Variants in GABRB3 observed in about 807,000 individuals in gnomAD.
The protein encoded by GABRB3 is gamma-aminobutyric acid receptor subunit beta-3.
In GABRB3, 14 loss-of-function variants were observed where a neutral mutation model predicts 52.1. That is an observed-to-expected ratio of 0.27 (90% CI 0.18 to 0.42). The LOEUF is 0.42. GABRB3 is among the 10% of genes least tolerant of loss of function. The pLI is 1.00. For synonymous variants in GABRB3, 260 were observed against 232.3 expected (o/e 1.12, Z -1.08); for missense variants, 307 against 609.1 (o/e 0.50, Z 5.22).
chr15:26,663,060 CGT>C (rs151144788), intron 3 of GABRB3, among the ~76,000 whole-genome samples: 1 of 151,912 alleles, frequency 6.6e-6, no homozygotes, highest in Non-Finnish European at 1.5e-5. Flanking sequence ...TAGATGTAAA[CGT>C]GTGTGTGTGT....
At chr15:26,669,942 C>T (rs112940171) in intron 3 of GABRB3, among the ~76,000 whole-genome samples, 56 of 152,332 alleles carry the variant, frequency 3.7e-4, no homozygotes, top group African/African-American at 1.3e-3. Flanking sequence ...TGATGCCGTG[C>T]ACTGCACCTG....
At chr15:26,557,834 A>C (rs1889813381) in intron 8 of GABRB3, 1 of 152,212 alleles carries the variant, frequency 6.6e-6, no homozygotes, top group Non-Finnish European at 1.5e-5. Context: ...TTTCTTTTGC[A>C]TTTAATTTAT....
intron 3 of GABRB3, chr15:26,625,485 G>A (rs1892655117): frequency 1.0e-6 from 1 of 985,248 alleles, no homozygotes; most frequent in African/African-American, 1.7e-5. Flanking sequence ...CAAAGAGATG[G>A]AATTTGCATG....
At chr15:26,659,529 T>C (rs1476920559) in intron 3 of GABRB3, among the ~76,000 whole-genome samples, 2 of 151,804 alleles carry the variant, frequency 1.3e-5, no homozygotes, top group African/African-American at 4.8e-5. Flanking sequence ...CTCAAAAAAA[T>C]AAATAAATAA....
At chr15:26,558,413 T>G (rs1889837010) in intron 8 of GABRB3, among the ~76,000 whole-genome samples, 1 of 152,184 alleles carries the variant, frequency 6.6e-6, no homozygotes, top group Non-Finnish European at 1.5e-5. Context: ...CTGTGTTCGC[T>G]GGGAGGTGTG....
chr15:26,639,679 A>G (rs1455600665), intron 3 of GABRB3, among the ~76,000 whole-genome samples: 1 of 152,232 alleles, frequency 6.6e-6, no homozygotes, highest in East Asian at 1.9e-4. Flanking sequence ...GGATACTTCC[A>G]TATCCTACAG....
rs138608411 is a variant in GABRB3 at position 26,602,648 on chromosome 15, G to T, written c.461+18666C>A. The stretch of plus-strand genomic sequence containing the variant: ...ATAAGCACACAGAAACTGAACAATA[G>T]GTTCCTGAATGACCAGTGGGTCAAT... On this transcript the variant is annotated intron_variant, in intron 4 of 8. Coordinates refer to ENST00000311550, the MANE Select transcript of GABRB3 (RefSeq NM_000814.6). Among the ~76,000 whole-genome samples, 296 of 152,078 alleles carry T rather than the reference G, an allele frequency of 1.9e-3. 6 individuals are homozygous for T. In the East Asian group the frequency reaches 0.036, roughly 19 times the overall value.
intron 3 of GABRB3, among the ~76,000 whole-genome samples, chr15:26,724,312 C>T (rs1481073572): frequency 2.0e-5 from 3 of 152,080 alleles, no homozygotes; most frequent in African/African-American, 7.2e-5. Flanking sequence ...GTTGAATGAA[C>T]CCCCCTCTTG....
At chr15:26,577,585 T>C (rs1010474425) in intron 6 of GABRB3, among the ~76,000 whole-genome samples, 3 of 152,126 alleles carry the variant, frequency 2.0e-5, no homozygotes, top group African/African-American at 7.2e-5. Flanking sequence ...TGGTACATCA[T>C]AGTTTTGGAA....
intron 3 of GABRB3, among the ~76,000 whole-genome samples, chr15:26,670,898 ATTTTAT>A (rs1234515282): frequency 6.6e-6 from 1 of 152,070 alleles, no homozygotes; most frequent in African/African-American, 2.4e-5. Context: ...AAATAGTTTT[ATTTTAT>A]TTTTATTTTT....
At chr15:26,607,481 C>A (rs529652423) in intron 4 of GABRB3, among the ~76,000 whole-genome samples, 7 of 151,980 alleles carry the variant, frequency 4.6e-5, no homozygotes, top group Non-Finnish European at 8.8e-5. Context: ...CTGAGGTGGG[C>A]AGATCCTGTG....
chr15:26,740,973 T>C (rs1890190062), intron 3 of GABRB3, among the ~76,000 whole-genome samples: 2 of 151,664 alleles, frequency 1.3e-5, no homozygotes, highest in South Asian at 2.1e-4. Flanking sequence ...GAATTTCAGA[T>C]GGGCCAGGAG....
At chr15:26,601,692 TTAAAA>T (rs1325118421) in intron 4 of GABRB3, among the ~76,000 whole-genome samples, 1 of 152,176 alleles carries the variant, frequency 6.6e-6, no homozygotes, top group Non-Finnish European at 1.5e-5. Context: ...TGTCATCCTC[TTAAAA>T]TAATGAGTTA....
chr15:26,618,278 A>G (rs2140530450), intron 4 of GABRB3, among the ~76,000 whole-genome samples: 1 of 151,990 alleles, frequency 6.6e-6, no homozygotes, highest in African/African-American at 2.4e-5. Context: ...CTACAAGGCT[A>G]CAGTAACCAA....
intron 4 of GABRB3, among the ~76,000 whole-genome samples, chr15:26,587,369 G>A (rs1220308784): frequency 6.6e-6 from 1 of 152,112 alleles, no homozygotes; most frequent in Non-Finnish European, 1.5e-5. Flanking sequence ...TTGCTCATGC[G>A]GCAAAAGGTA....
At chr15:26,564,617 C>A (rs1890098513) in intron 7 of GABRB3, among the ~76,000 whole-genome samples, 1 of 152,166 alleles carries the variant, frequency 6.6e-6, no homozygotes. Flanking sequence ...AGTGCAGTCC[C>A]TTAGGATGAA....
At chr15:26,664,436 C>T (rs537070511) in intron 3 of GABRB3, among the ~76,000 whole-genome samples, 14 of 152,222 alleles carry the variant, frequency 9.2e-5, no homozygotes, top group African/African-American at 2.4e-4. Flanking sequence ...AAGAGGGATA[C>T]GCCATGTTGG....
intron 3 of GABRB3, among the ~76,000 whole-genome samples, chr15:26,723,911 GA>G (rs564182607): frequency 6.7e-5 from 10 of 149,098 alleles, no homozygotes; most frequent in East Asian, 3.9e-4. Flanking sequence ...TTTTCTGTGA[GA>G]AAAAAAAAAT....
intron 3 of GABRB3, among the ~76,000 whole-genome samples, chr15:26,738,842 G>T (rs1038967747): frequency 3.9e-4 from 59 of 152,102 alleles, no homozygotes; most frequent in African/African-American, 1.4e-3. Flanking sequence ...ATTTATCCAT[G>T]AGAAATTAGC....
Sources: gnomAD v4.1 joint callset for allele counts (sites outside exome capture counted in the v4.1 genomes callset) on GRCh38, gnomAD v4.1.1 for gene constraint, MANE v1.5 for transcripts, NCBI Gene and HGNC (gene_info 2026-07-23, HGNC 2026-07-21) for gene names.